Variants in CNTNAP2 observed in about 807,000 individuals in gnomAD.
The protein encoded by CNTNAP2 is contactin associated protein 2.
A neutral mutation model predicts 155.2 loss-of-function variants in CNTNAP2; 98 were observed. The observed-to-expected ratio is 0.63, with a 90% CI of 0.54 to 0.75. CNTNAP2 has a LOEUF of 0.75. CNTNAP2 is among the 30% of genes least tolerant of loss of function. The pLI is 0.00. For missense variants in CNTNAP2, 1,727 were observed against 1,688.1 expected, an observed-to-expected ratio of 1.02 and a Z score of -0.40; for synonymous variants, 651 against 631.2, an observed-to-expected ratio of 1.03 and a Z score of -0.47.
intron 17 of CNTNAP2, among the ~76,000 whole-genome samples, chr7:148,170,173 T>G (rs767601566): frequency 6.6e-6 from 1 of 152,218 alleles, no homozygotes; most frequent in Non-Finnish European, 1.5e-5. Context: ...GTGACCACAA[T>G]GACTATTACA....
intron 13 of CNTNAP2, among the ~76,000 whole-genome samples, chr7:147,889,439 G>A (rs1432248376): frequency 6.6e-6 from 1 of 151,804 alleles, no homozygotes; most frequent in Non-Finnish European, 1.5e-5. Flanking sequence ...AGAAAACAAG[G>A]CCAGGAGATT....
chr7:147,404,022 T>C (rs977369592), intron 10 of CNTNAP2, among the ~76,000 whole-genome samples: 2 of 152,170 alleles, frequency 1.3e-5, no homozygotes, highest in African/African-American at 4.8e-5. Flanking sequence ...GGCGTCAAAC[T>C]GTGCAGGCAT....
intron 3 of CNTNAP2, among the ~76,000 whole-genome samples, chr7:147,007,109 C>G (rs1798540378): frequency 6.6e-6 from 1 of 152,040 alleles, no homozygotes; most frequent in Non-Finnish European, 1.5e-5. Flanking sequence ...TTTTAAATCC[C>G]CACTCATGGG....
At chr7:146,318,240 AG>A (rs1800943477) in intron 1 of CNTNAP2, among the ~76,000 whole-genome samples, 1 of 152,074 alleles carries the variant, frequency 6.6e-6, no homozygotes, top group African/African-American at 2.4e-5. Flanking sequence ...AATGGATCAG[AG>A]TTTTACACAT....
At chr7:147,421,773 A>G (rs1166229197) in intron 10 of CNTNAP2, among the ~76,000 whole-genome samples, 1 of 152,100 alleles carries the variant, frequency 6.6e-6, no homozygotes, top group Non-Finnish European at 1.5e-5. Context: ...GGCTAGGGCC[A>G]TTCCCTTGGT....
rs1800709903 is a variant in CNTNAP2 at position 146,306,245 on chromosome 7, G to A, written c.97+189272G>A. 2.6e-5 allele frequency among the ~76,000 whole-genome samples: 4 copies of A among 152,206 alleles called. No homozygotes were observed. The South Asian group carries it at 8.3e-4, about 32-fold the overall frequency. ...ACCAATAACAGGTTCTGAAATTGAG[G>A]CAATAATTAATAGCCTACCAACCAA... On this transcript the variant is annotated intron_variant, in intron 1 of 23. Coordinates refer to ENST00000361727, the MANE Select transcript of CNTNAP2 (RefSeq NM_014141.6).
chr7:148,173,817 T>C lies in CNTNAP2; in HGVS notation c.3010+1339T>C, dbSNP rs1474615762. On this transcript the variant is annotated intron_variant, in intron 18 of 23. Coordinates refer to ENST00000361727, the MANE Select transcript of CNTNAP2 (RefSeq NM_014141.6). ...GCTTGATGCTAATTTAATGCAGTCA[T>C]TTCCTTGCCAAAGTAATGTCTGAAT... Among the ~76,000 whole-genome samples, 4 of 152,244 alleles carry C rather than the reference T, an allele frequency of 2.6e-5. No individual in the cohort carries two copies. In the East Asian group the frequency reaches 7.7e-4, roughly 29 times the overall value.
At chr7:146,444,430 T>C (rs1164774163) in intron 1 of CNTNAP2, among the ~76,000 whole-genome samples, 1 of 152,158 alleles carries the variant, frequency 6.6e-6, no homozygotes, top group African/African-American at 2.4e-5. Context: ...AATACATAGA[T>C]ACAGGTGGAA....
At chr7:147,044,474 C>A (rs1799320833) in intron 4 of CNTNAP2, among the ~76,000 whole-genome samples, 1 of 152,122 alleles carries the variant, frequency 6.6e-6, no homozygotes, top group African/African-American at 2.4e-5. Context: ...CCTTCGGGTT[C>A]ACTAAGTATC....
At chr7:148,239,748 T>C (rs987081415) in intron 20 of CNTNAP2, among the ~76,000 whole-genome samples, 5 of 152,122 alleles carry the variant, frequency 3.3e-5, no homozygotes, top group Admixed American at 2.6e-4. Flanking sequence ...CAAACCAGCT[T>C]GAAGTTTTAA....
At chr7:146,199,193 C>A (rs1798821347) in intron 1 of CNTNAP2, among the ~76,000 whole-genome samples, 1 of 152,086 alleles carries the variant, frequency 6.6e-6, no homozygotes, top group Non-Finnish European at 1.5e-5. Context: ...GTTGGGGACA[C>A]AATAACCTCT....
At chr7:148,133,884 A>G (rs2116632119) in intron 16 of CNTNAP2, 1 of 152,350 alleles carries the variant, frequency 6.6e-6, no homozygotes, top group South Asian at 2.1e-4. Context: ...GAGATGCAGC[A>G]TTTGATTTGC....
intron 4 of CNTNAP2, among the ~76,000 whole-genome samples, chr7:147,064,868 A>T (rs1234561598): frequency 1.3e-5 from 2 of 152,186 alleles, no homozygotes; most frequent in African/African-American, 4.8e-5. Context: ...TTTAGAACTA[A>T]GACTGTGAAG....
At chr7:147,402,025 A>G (rs187897618) in intron 10 of CNTNAP2, among the ~76,000 whole-genome samples, 1 of 152,356 alleles carries the variant, frequency 6.6e-6, no homozygotes, top group East Asian at 1.9e-4. Flanking sequence ...TGTAACATTT[A>G]TCATTTTCTA....
At chr7:147,527,148 A>G (rs10236338) in intron 11 of CNTNAP2, among the ~76,000 whole-genome samples, 58,881 of 148,908 alleles carry the variant, frequency 0.4, 12,428 homozygotes, top group African/African-American at 0.55. Flanking sequence ...TCAGCCTCCC[A>G]AGTAGCTGGG....
At chr7:148,358,321 G>A (rs1798556619) in intron 21 of CNTNAP2, among the ~76,000 whole-genome samples, 1 of 152,202 alleles carries the variant, frequency 6.6e-6, no homozygotes, top group Non-Finnish European at 1.5e-5. Context: ...CTGAGGGCCA[G>A]GTGGAGGATG....
Position 147,639,117 on chromosome 7 carries a change from T to C in CNTNAP2, c.1909T>C (p.Trp637Arg), listed in dbSNP as rs778170524. 1.9e-6 allele frequency: 3 copies of C among 1,614,104 alleles called. No individual in the cohort carries two copies. Among genetic ancestry groups the C allele is most frequent in the Non-Finnish European group, 2.5e-6 (3 of 1,180,002 alleles). ...TTTTCTCCCCACAGAGGACAAAGTG[T>C]GGACCATAGTGTCTCATGACTTGCA... ...VYCNMTEDKVWTIVSHDLQMQ... is the reference protein window; with the variant it reads ...VYCNMTEDKVRTIVSHDLQMQ... The change falls in exon 13 of 24, where the codon TGG becomes CGG. Residue 637 changes from tryptophan to arginine, a missense_variant. Physicochemically the swap from Trp to Arg is moderately radical, Grantham distance 101. Coordinates refer to ENST00000361727, the MANE Select transcript of CNTNAP2 (RefSeq NM_014141.6).
At chr7:146,245,252 A>T (rs1370996479) in intron 1 of CNTNAP2, among the ~76,000 whole-genome samples, 1 of 152,102 alleles carries the variant, frequency 6.6e-6, no homozygotes. Context: ...TATCAGGAAT[A>T]ATGTGGGAGG....
intron 15 of CNTNAP2, among the ~76,000 whole-genome samples, chr7:148,061,934 TAG>T (rs1803148365): frequency 2.1e-5 from 3 of 142,818 alleles, no homozygotes; most frequent in Non-Finnish European, 3.0e-5. Context: ...GATAGATAGA[TAG>T]ATAGATAGAT....
Sources: gnomAD v4.1 joint callset for allele counts (sites outside exome capture counted in the v4.1 genomes callset) on GRCh38, gnomAD v4.1.1 for gene constraint, MANE v1.5 for transcripts, NCBI Gene and HGNC (gene_info 2026-07-23, HGNC 2026-07-21) for gene names.